RALGPS2: variants seen among roughly 807,000 people sequenced by gnomAD.
RALGPS2 encodes Ral GEF with PH domain and SH3 binding motif 2, also known as ras-specific guanine nucleotide-releasing factor RalGPS2.
Under a neutral mutation model 86.8 loss-of-function variants are expected in RALGPS2, and 43 were observed. That is an observed-to-expected ratio of 0.50 (90% CI 0.39 to 0.64). The LOEUF is 0.64. Ranked by LOEUF, RALGPS2 falls within the 30% of genes least tolerant of loss-of-function variation. The pLI, the probability that RALGPS2 is intolerant of heterozygous loss-of-function variation, is 0.00. For synonymous variants in RALGPS2, 243 were observed against 231.3 expected (o/e 1.05, Z -0.46); for missense variants, 536 against 694.6 (o/e 0.77, Z 2.57).
rs1489482105 is a variant in RALGPS2 at position 178,921,661 on chromosome 1, A to G, written c.*5302A>G. The G allele has an allele frequency of 6.6e-6, 1 of 151,896 alleles. No individual in the cohort carries two copies. Among genetic ancestry groups the G allele is most frequent in the African/African-American group, 2.4e-5 (1 of 41,370 alleles). The allele number at this position is 151,896 out of a possible 1,614,324, so 9.4% of individuals were successfully genotyped here. A position where few individuals can be genotyped will look rare whatever the true frequency, so the allele number is the denominator to read the frequency against. ...ACTTGAGGTACTCTAATGATGAAGC[A>G]CTCGATTGCACTATGACCTCCTTGA... On this transcript the variant is annotated 3_prime_UTR_variant, in exon 20 of 20. Transcript: ENST00000367635.
At chr1:178,746,819 T>C (rs377129605) in intron 1 of RALGPS2, 50 of 1,125,074 alleles carry the variant, frequency 4.4e-5, no homozygotes, top group East Asian at 2.6e-4. Flanking sequence ...CTCATTGTTC[T>C]CCTCCATTGT....
intron 4 of RALGPS2, among the ~76,000 whole-genome samples, chr1:178,799,869 G>A (rs1157244931): frequency 6.6e-6 from 1 of 152,096 alleles, no homozygotes; most frequent in Non-Finnish European, 1.5e-5. Flanking sequence ...AAAAAGCCAT[G>A]AAAGCCATCA....
At chr1:178,853,518 G>T in intron 8 of RALGPS2, 2 of 1,162,652 alleles carry the variant, frequency 1.7e-6, no homozygotes, top group East Asian at 2.7e-5. Flanking sequence ...CTTATTTATT[G>T]CATAGCATCT....
intron 4 of RALGPS2, among the ~76,000 whole-genome samples, chr1:178,803,993 G>A (rs1051303406): frequency 3.3e-5 from 5 of 151,562 alleles, no homozygotes; most frequent in Non-Finnish European, 7.4e-5. Context: ...CTGGTTGAGG[G>A]AACATTACTT....
chr1:178,822,541 G>T (rs1472499197), intron 7 of RALGPS2, among the ~76,000 whole-genome samples: 1 of 151,990 alleles, frequency 6.6e-6, no homozygotes. Flanking sequence ...ACAAAGTGCT[G>T]CTTTTGCTTT....
At chr1:178,754,112 G>A (rs1458914709) in intron 1 of RALGPS2, among the ~76,000 whole-genome samples, 3 of 151,738 alleles carry the variant, frequency 2.0e-5, no homozygotes, top group Non-Finnish European at 2.9e-5. Context: ...GTGAGCCACC[G>A]TGCCCCAGCC....
chr1:178,866,375 A>C (rs1232380191), intron 8 of RALGPS2, among the ~76,000 whole-genome samples: 1 of 152,196 alleles, frequency 6.6e-6, no homozygotes, highest in African/African-American at 2.4e-5. Flanking sequence ...AGGGAAATCT[A>C]AACCCAGATA....
intron 14 of RALGPS2, among the ~76,000 whole-genome samples, chr1:178,891,467 CT>C (rs901517644): frequency 6.6e-6 from 1 of 152,004 alleles, no homozygotes; most frequent in Non-Finnish European, 1.5e-5. Flanking sequence ...ACATTGTTGT[CT>C]TTTTTTCTAG....
At chr1:178,915,524 C>T (rs574613699) in intron 19 of RALGPS2, among the ~76,000 whole-genome samples, 2 of 152,308 alleles carry the variant, frequency 1.3e-5, no homozygotes, top group East Asian at 1.9e-4. Flanking sequence ...CGTGAGCCAC[C>T]GCACCCGGCC....
Position 178,774,869 on chromosome 1 carries a change from A to C in RALGPS2, c.-83-1813A>C, listed in dbSNP as rs564378093. Among the ~76,000 whole-genome samples, 4 of 150,612 alleles carry C rather than the reference A, an allele frequency of 2.7e-5. No individual in the cohort carries two copies. The South Asian group carries it at 8.3e-4, about 31-fold the overall frequency. On this transcript the variant is annotated intron_variant, in intron 1 of 19. Coordinates refer to ENST00000367635, the MANE Select transcript of RALGPS2 (RefSeq NM_152663.5). Reference sequence around the variant, plus strand: ...CAAGATGTGACTGAAGGCTGCTATCATTAGTAATAATTTTTAAGCATTTCA... The same window carrying C: ...CAAGATGTGACTGAAGGCTGCTATCCTTAGTAATAATTTTTAAGCATTTCA...
chr1:178,872,648 G>A (rs1217960750), intron 8 of RALGPS2, among the ~76,000 whole-genome samples: 2 of 152,166 alleles, frequency 1.3e-5, no homozygotes, highest in Admixed American at 6.5e-5. Flanking sequence ...ATCGTTTCTT[G>A]AGCATTCAGT....
intron 8 of RALGPS2, among the ~76,000 whole-genome samples, chr1:178,837,357 A>G (rs186511935): frequency 6.6e-6 from 1 of 152,026 alleles, no homozygotes; most frequent in Non-Finnish European, 1.5e-5. Context: ...TCTTCCTCCA[A>G]ACTTGATCCC....
At chr1:178,861,613 T>C (rs1658017747) in intron 8 of RALGPS2, among the ~76,000 whole-genome samples, 1 of 152,212 alleles carries the variant, frequency 6.6e-6, no homozygotes, top group African/African-American at 2.4e-5. Flanking sequence ...AGGGATCACA[T>C]AGAATACTCC....
At chr1:178,891,134 T>C (rs1659696708) in intron 14 of RALGPS2, among the ~76,000 whole-genome samples, 1 of 152,110 alleles carries the variant, frequency 6.6e-6, no homozygotes, top group Non-Finnish European at 1.5e-5. Context: ...TTTAATGATG[T>C]TACCTTCACG....
At chr1:178,735,947 A>G (rs1650675375) in intron 1 of RALGPS2, among the ~76,000 whole-genome samples, 1 of 152,100 alleles carries the variant, frequency 6.6e-6, no homozygotes. Flanking sequence ...ACAGTGATAG[A>G]GTTAACATCT....
rs1339158732 is a variant in RALGPS2 at position 178,758,060 on chromosome 1, T to C, written c.-83-18622T>C. Among the ~76,000 whole-genome samples the C allele has an allele frequency of 2.0e-5, 3 of 152,132 alleles. No individual in the cohort carries two copies. The East Asian group carries it at 5.8e-4, about 29-fold the overall frequency. ...AATTTATCCATTTTCTCTAGATTTT[T>C]TAGTTTGTGTGTGTACAGGTGTTCA... On this transcript the variant is annotated intron_variant, in intron 1 of 19. Transcript: ENST00000367635.
At chr1:178,912,668 A>G (rs987187857) in intron 19 of RALGPS2, among the ~76,000 whole-genome samples, 8 of 152,040 alleles carry the variant, frequency 5.3e-5, no homozygotes, top group Non-Finnish European at 8.8e-5. Context: ...GGGGATGCTC[A>G]TCTTGTATAG....
chr1:178,866,190 G>A (rs145980210), intron 8 of RALGPS2, among the ~76,000 whole-genome samples: 1 of 152,066 alleles, frequency 6.6e-6, no homozygotes, highest in African/African-American at 2.4e-5. Context: ...TATGAAAATG[G>A]TACACAGTGT....
chr1:178,750,166 C>A (rs1326371139), intron 1 of RALGPS2, among the ~76,000 whole-genome samples: 2 of 152,098 alleles, frequency 1.3e-5, no homozygotes, highest in Non-Finnish European at 2.9e-5. Context: ...CATTTTTGTT[C>A]TAGGCGAGAG....
Sources: gnomAD v4.1 joint callset for allele counts (sites outside exome capture counted in the v4.1 genomes callset) on GRCh38, gnomAD v4.1.1 for gene constraint, MANE v1.5 for transcripts, NCBI Gene and HGNC (gene_info 2026-07-23, HGNC 2026-07-21) for gene names.